CSMD1: variants seen among roughly 807,000 people sequenced by gnomAD.
The protein encoded by CSMD1 is CUB and sushi domain-containing protein 1.
A neutral mutation model predicts 417.5 loss-of-function variants in CSMD1; 213 were observed. The ratio of observed to expected loss-of-function variants is 0.51; its 90% confidence interval spans 0.46 to 0.57. CSMD1 has a LOEUF of 0.57. Among genes scored for constraint, CSMD1 ranks in the 20% least tolerant of loss-of-function variants. The pLI is 0.00. For synonymous variants in CSMD1, 2,862 were observed against 1,736.8 expected, an observed-to-expected ratio of 1.65 and a Z score of -16.11; for missense variants, 6,923 against 4,529.7, an observed-to-expected ratio of 1.53 and a Z score of -15.17.
At chr8:4,818,762 C>G (rs1016994830) in intron 1 of CSMD1, among the ~76,000 whole-genome samples, 1 of 152,172 alleles carries the variant, frequency 6.6e-6, no homozygotes, top group Non-Finnish European at 1.5e-5. Flanking sequence ...ATTATAATAG[C>G]TACACATCGC....
chr8:4,153,250 G>A (rs949437110), intron 3 of CSMD1, among the ~76,000 whole-genome samples: 1 of 152,184 alleles, frequency 6.6e-6, no homozygotes, highest in South Asian at 2.1e-4. Context: ...TGCCAGAAAT[G>A]ATACATACGG....
At chr8:4,562,277 G>C (rs1393707172) in intron 2 of CSMD1, among the ~76,000 whole-genome samples, 5 of 152,176 alleles carry the variant, frequency 3.3e-5, no homozygotes, top group Admixed American at 3.3e-4. Context: ...CGCGAGCAGA[G>C]AGAGGACAAC....
intron 5 of CSMD1, among the ~76,000 whole-genome samples, chr8:3,774,943 C>T (rs532512351): frequency 1.4e-4 from 22 of 152,084 alleles, no homozygotes; most frequent in Non-Finnish European, 2.6e-4. Flanking sequence ...ACCAGCGAGA[C>T]GGGAAACAGG....
chr8:4,013,952 G>C (rs1041252122), intron 4 of CSMD1, among the ~76,000 whole-genome samples: 1 of 152,160 alleles, frequency 6.6e-6, no homozygotes, highest in Non-Finnish European at 1.5e-5. Flanking sequence ...ATAAGTGTAT[G>C]TAATACTTTG....
intron 1 of CSMD1, among the ~76,000 whole-genome samples, chr8:4,905,206 C>T (rs1356148762): frequency 6.6e-6 from 1 of 152,088 alleles, no homozygotes; most frequent in Non-Finnish European, 1.5e-5. Flanking sequence ...GATATCTCAT[C>T]TGTGATTTTC....
chr8:3,172,411 T>A (rs181881970), intron 37 of CSMD1, among the ~76,000 whole-genome samples: 38 of 152,328 alleles, frequency 2.5e-4, no homozygotes, highest in African/African-American at 8.9e-4. Context: ...ATTGCTGTCA[T>A]CTGCATCTCA....
At chr8:3,976,387 T>C (rs1813437934) in intron 5 of CSMD1, among the ~76,000 whole-genome samples, 1 of 152,238 alleles carries the variant, frequency 6.6e-6, no homozygotes, top group Non-Finnish European at 1.5e-5. Context: ...TGAACTTTCT[T>C]CAAGTTGCTG....
chr8:4,237,924 C>A (rs560881628), intron 3 of CSMD1, among the ~76,000 whole-genome samples: 47 of 152,184 alleles, frequency 3.1e-4, no homozygotes, highest in Non-Finnish European at 6.3e-4. Context: ...AAGCTTTCCT[C>A]TCACTGGCGG....
chr8:3,729,655 G>A (rs574228548), intron 6 of CSMD1, among the ~76,000 whole-genome samples: 2 of 149,896 alleles, frequency 1.3e-5, no homozygotes, highest in South Asian at 2.1e-4. Flanking sequence ...GGAAGCGATG[G>A]GGGCTACCAG....
intron 12 of CSMD1, among the ~76,000 whole-genome samples, chr8:3,413,998 G>T (rs1812971198): frequency 6.6e-6 from 1 of 151,698 alleles, no homozygotes; most frequent in Non-Finnish European, 1.5e-5. Context: ...AATTAGCCGG[G>T]AATGGTGGTG....
intron 3 of CSMD1, among the ~76,000 whole-genome samples, chr8:4,248,762 G>A (rs184760204): frequency 2.6e-5 from 4 of 151,938 alleles, no homozygotes; most frequent in Non-Finnish European, 4.4e-5. Flanking sequence ...CTTATTAAGC[G>A]CATGGTTTAC....
chr8:4,698,913 C>T (rs1807316633), intron 1 of CSMD1, among the ~76,000 whole-genome samples: 1 of 151,288 alleles, frequency 6.6e-6, no homozygotes, highest in African/African-American at 2.4e-5. Context: ...AACACACACA[C>T]ACACACACAC....
chr8:4,526,218 T>C (rs1796505109), intron 2 of CSMD1, among the ~76,000 whole-genome samples: 1 of 152,210 alleles, frequency 6.6e-6, no homozygotes, highest in African/African-American at 2.4e-5. Flanking sequence ...TTTCATGCGC[T>C]ACATTTGATT....
chr8:4,134,219 T>A lies in CSMD1; in HGVS notation c.416-102120A>T, dbSNP rs187795948. Among the ~76,000 whole-genome samples the A allele has an allele frequency of 3.9e-5, 6 of 152,318 alleles. No homozygotes were observed. The East Asian group carries it at 9.7e-4, about 25-fold the overall frequency. ...AAAGTCACTGTCCTTACACGCTGAA[T>A]TGTGTCTCCCCAGAGTTCGTATGCT... On this transcript the variant is annotated intron_variant, in intron 3 of 69. Coordinates refer to ENST00000635120, the MANE Select transcript of CSMD1 (RefSeq NM_033225.6).
chr8:4,943,098 T>C (rs1180139641), intron 1 of CSMD1, among the ~76,000 whole-genome samples: 4 of 152,192 alleles, frequency 2.6e-5, no homozygotes, highest in East Asian at 1.9e-4. Context: ...AATGACTCCA[T>C]AGATTTTACA....
At chr8:3,349,366 C>G (rs1394325307) in intron 21 of CSMD1, among the ~76,000 whole-genome samples, 2 of 152,126 alleles carry the variant, frequency 1.3e-5, no homozygotes, top group Non-Finnish European at 2.9e-5. Context: ...CAGGAAGTTG[C>G]TAGAGATCCA....
At chr8:4,715,951 G>A (rs79965081) in intron 1 of CSMD1, among the ~76,000 whole-genome samples, 1 of 152,134 alleles carries the variant, frequency 6.6e-6, no homozygotes, top group East Asian at 1.9e-4. Flanking sequence ...AATCGTCTTC[G>A]TTAAATGTGT....
At chr8:3,452,322 T>G (rs895043071) in intron 12 of CSMD1, among the ~76,000 whole-genome samples, 3 of 152,216 alleles carry the variant, frequency 2.0e-5, no homozygotes, top group Non-Finnish European at 4.4e-5. Flanking sequence ...TTCTCCTGCC[T>G]GATTGCCCTG....
chr8:3,772,306 T>TG (rs1798623716), intron 5 of CSMD1, among the ~76,000 whole-genome samples: 2 of 144,658 alleles, frequency 1.4e-5, no homozygotes, highest in Non-Finnish European at 3.0e-5. Context: ...TGTACATATA[T>TG]TTAGACATAC....
Sources: allele counts gnomAD v4.1 joint callset (sites outside exome capture counted in the v4.1 genomes callset), GRCh38; gene constraint gnomAD v4.1.1; transcripts MANE v1.5; gene names NCBI Gene and HGNC (gene_info 2026-07-23, HGNC 2026-07-21).